Variants in KHDRBS2 observed in about 807,000 individuals in gnomAD.
KHDRBS2 encodes the protein KH RNA binding domain containing, signal transduction associated 2.
KHDRBS2 carries 26 observed loss-of-function variants against 44.3 expected under a neutral mutation model. The observed-to-expected ratio is 0.59, with a 90% confidence interval of 0.43 to 0.81. The LOEUF is 0.81. KHDRBS2 is among the 40% of genes least tolerant of loss of function. The pLI is 0.00. For missense variants in KHDRBS2, 476 were observed against 433.1 expected, an observed-to-expected ratio of 1.10 and a Z score of -0.88; for synonymous variants, 194 against 151.1, an observed-to-expected ratio of 1.28 and a Z score of -2.08.
At chr6:61,559,089 G>T in the KHDRBS2 span, among the ~76,000 whole-genome samples, 3 of 152,006 alleles carry the variant, frequency 2.0e-5, no homozygotes, top group South Asian at 6.2e-4. Flanking sequence ...TTATATATGT[G>T]GGTGCTGCAG....
chr6:62,075,284 C>T (rs1416891789), intron 2 of KHDRBS2, among the ~76,000 whole-genome samples: 2 of 151,858 alleles, frequency 1.3e-5, no homozygotes, highest in Non-Finnish European at 2.9e-5. Context: ...TGTTCACCCC[C>T]TCCACCATGT....
the KHDRBS2 span, among the ~76,000 whole-genome samples, chr6:61,612,572 C>T: frequency 6.6e-6 from 1 of 152,108 alleles, no homozygotes; most frequent in South Asian, 2.1e-4. Context: ...TACCATAGTG[C>T]CAGGCACAAA....
At chr6:61,575,023 T>C in the KHDRBS2 span, among the ~76,000 whole-genome samples, 7,841 of 152,218 alleles carry the variant, frequency 0.052, 219 homozygotes, top group East Asian at 0.088. Flanking sequence ...AAAGATAACA[T>C]TGGAAAAACT....
At chr6:61,972,488 C>T (rs544641051) in intron 4 of KHDRBS2, among the ~76,000 whole-genome samples, 2 of 152,260 alleles carry the variant, frequency 1.3e-5, no homozygotes, top group African/African-American at 4.8e-5. Flanking sequence ...TTTGTGCTTA[C>T]TGCCATTAGC....
At chr6:62,149,697 A>C (rs1175079615) in intron 2 of KHDRBS2, among the ~76,000 whole-genome samples, 1 of 152,222 alleles carries the variant, frequency 6.6e-6, no homozygotes. Flanking sequence ...TTTGACAGTC[A>C]TTTTATAGCT....
intron 7 of KHDRBS2, among the ~76,000 whole-genome samples, chr6:61,718,873 T>C (rs1013090527): frequency 6.6e-6 from 1 of 152,170 alleles, no homozygotes; most frequent in Non-Finnish European, 1.5e-5. Flanking sequence ...CCACAAATTA[T>C]CCTAATTTAG....
chr6:62,137,308 T>C (rs1244602460), intron 2 of KHDRBS2, among the ~76,000 whole-genome samples: 2 of 152,064 alleles, frequency 1.3e-5, no homozygotes, highest in African/African-American at 2.4e-5. Context: ...GCTCAGCTTT[T>C]TTTCTTAAAT....
intron 6 of KHDRBS2, among the ~76,000 whole-genome samples, chr6:61,754,671 T>A (rs1397448058): frequency 6.6e-6 from 1 of 151,950 alleles, no homozygotes; most frequent in Non-Finnish European, 1.5e-5. Context: ...TGTAAAAAGA[T>A]TCAGTATAGT....
At chr6:62,222,280 G>A (rs1831033649) in intron 1 of KHDRBS2, among the ~76,000 whole-genome samples, 1 of 151,738 alleles carries the variant, frequency 6.6e-6, no homozygotes, top group African/African-American at 2.4e-5. Context: ...TGGGGAGAAT[G>A]TATTACTCCA....
intron 4 of KHDRBS2, among the ~76,000 whole-genome samples, chr6:61,963,247 G>A (rs1769160274): frequency 6.6e-6 from 1 of 152,002 alleles, no homozygotes; most frequent in South Asian, 2.1e-4. Context: ...TTAATGATAT[G>A]GAATATGATA....
At chr6:61,638,892 G>C in the KHDRBS2 span, among the ~76,000 whole-genome samples, 1 of 151,998 alleles carries the variant, frequency 6.6e-6, no homozygotes, top group South Asian at 2.1e-4. Context: ...GTGTCGAGTT[G>C]TTGTTGTTGT....
chr6:61,636,003 T>A, the KHDRBS2 span, among the ~76,000 whole-genome samples: 2 of 152,034 alleles, frequency 1.3e-5, no homozygotes, highest in Non-Finnish European at 2.9e-5. Flanking sequence ...AAGAAAATTA[T>A]AGAGTTAACT....
intron 2 of KHDRBS2, among the ~76,000 whole-genome samples, chr6:62,106,477 T>C (rs1055274796): frequency 2.0e-5 from 3 of 152,134 alleles, no homozygotes; most frequent in Admixed American, 2.0e-4. Flanking sequence ...ATTGGGTGCA[T>C]ACATATTTAG....
chr6:61,697,963 C>T (rs1391202994), intron 7 of KHDRBS2, among the ~76,000 whole-genome samples: 3 of 152,136 alleles, frequency 2.0e-5, no homozygotes, highest in Admixed American at 6.6e-5. Flanking sequence ...GCCTCATCCA[C>T]ATAATTCCTT....
intron 1 of KHDRBS2, among the ~76,000 whole-genome samples, chr6:62,229,671 A>T (rs1832568050): frequency 6.6e-6 from 1 of 152,096 alleles, no homozygotes; most frequent in African/African-American, 2.4e-5. Flanking sequence ...TGGGTTTCAC[A>T]ATTCCGTGGA....
chr6:61,759,279 G>A (rs964126001), intron 6 of KHDRBS2, among the ~76,000 whole-genome samples: 1 of 151,884 alleles, frequency 6.6e-6, no homozygotes, highest in Admixed American at 6.6e-5. Context: ...TACACCAAAG[G>A]TATTTATATT....
intron 2 of KHDRBS2, among the ~76,000 whole-genome samples, chr6:62,071,106 T>A (rs1415589555): frequency 5.3e-5 from 8 of 152,226 alleles, no homozygotes; most frequent in Admixed American, 2.0e-4. Context: ...TGAGCATTTT[T>A]TTCATGTGTC....
intron 6 of KHDRBS2, among the ~76,000 whole-genome samples, chr6:61,740,111 T>TA (rs1440175230): frequency 6.6e-6 from 1 of 151,936 alleles, no homozygotes; most frequent in African/African-American, 2.4e-5. Context: ...TAACAGGTGC[T>TA]ATGGAAGCAC....
At chr6:61,848,521 A>ACATATATATATG (rs1477778672) in intron 6 of KHDRBS2, among the ~76,000 whole-genome samples, 3 of 50,110 alleles carry the variant, frequency 6.0e-5, no homozygotes, top group Non-Finnish European at 1.0e-4. Context: ...GTATATATGT[A>ACATATATATATG]TATATATATA....
Sources: allele counts gnomAD v4.1 joint callset (sites outside exome capture counted in the v4.1 genomes callset), GRCh38; gene constraint gnomAD v4.1.1; transcripts MANE v1.5; gene names NCBI Gene and HGNC (gene_info 2026-07-23, HGNC 2026-07-21).